The following ACD variants were observed in gnomAD, a reference collection of about 807,000 sequenced individuals.
ACD encodes the protein adrenocortical dysplasia protein homolog.
Under a neutral mutation model 53.9 loss-of-function variants are expected in ACD, and 39 were observed. That is an observed-to-expected ratio of 0.72 (90% CI 0.56 to 0.95). The LOEUF is 0.95. ACD is among the 40% of genes least tolerant of loss of function. The pLI is 0.00. For missense variants in ACD, 526 were observed against 587.9 expected (o/e 0.89, Z 1.09); for synonymous variants, 273 against 249.2 (o/e 1.10, Z -0.90).
chr16:67,660,252 C>A lies in ACD; in HGVS notation c.-32G>T. ...GGCTACACCCAGCGGATGCAACGGG[C>A]CCGGGTTTCCCGCGGGCGCCCAGGC... On this transcript the variant is annotated 5_prime_UTR_variant, in exon 1 of 12. Coordinates refer to ENST00000620761, the MANE Select transcript of ACD (RefSeq NM_001082486.2). 6.2e-7 allele frequency: 1 copy of A among 1,612,408 alleles called. No homozygotes were observed. Among genetic ancestry groups the A allele is most frequent in the Non-Finnish European group, 8.5e-7 (1 of 1,179,854 alleles).
chr16:67,659,670 G>A, intron 3 of ACD, 32 bp downstream of exon 3: 9 of 1,612,850 alleles, frequency 5.6e-6, no homozygotes, highest in Non-Finnish European at 7.6e-6. Flanking sequence ...AGTCATGCCC[G>A]GTAACCCGCC....
chr16:67,658,619 G>A lies in ACD; in HGVS notation c.765C>T (p.Asp255=), dbSNP rs1354345002. The stretch of plus-strand genomic sequence containing the variant: ...TCAGAGATAGGTCCTGCAGAGCCGG[G>A]TCTGGTGGGGGCAGCTCAGGGCCTG... ...RTQGPELPPP[D]PALQDLSLTL... Residue 255 remains aspartate, a synonymous_variant, in exon 9 of 12, where the codon GAC becomes GAT. Transcript: ENST00000620761. 5 of 1,577,158 alleles carry A rather than the reference G, an allele frequency of 3.2e-6. No homozygotes were observed. Among genetic ancestry groups the A allele is most frequent in the Non-Finnish European group, 2.6e-6 (3 of 1,160,468 alleles).
In ACD at chr16:67,659,655, C is replaced by G. The variant is rs1247633723; in HGVS notation, c.337-42G>C. The stretch of plus-strand genomic sequence containing the variant: ...GGAAGGGGGGGTCTCAGAATCGTCA[C>G]GAAGAGTCATGCCCGGTAACCCGCC... On this transcript the variant is annotated intron_variant, in intron 3 of 11. Transcript: ENST00000620761. The G allele has an allele frequency of 3.7e-6, 6 of 1,612,944 alleles. No homozygotes were observed. The Middle Eastern group carries it at 4.9e-4, about 133-fold the overall frequency.
chr16:67,658,966 G>A lies in ACD; in HGVS notation c.607C>T (p.Pro203Ser), dbSNP rs758700674. The A allele has an allele frequency of 1.5e-5, 25 of 1,613,772 alleles. No homozygotes were observed. The South Asian group carries it at 2.4e-4, about 16-fold the overall frequency. Residue 203 changes from proline to serine, a missense_variant, in exon 7 of 12, where the codon CCT becomes TCT. Pro to Ser is a moderately conservative substitution (Grantham distance 74). Coordinates refer to ENST00000620761, the MANE Select transcript of ACD (RefSeq NM_001082486.2). ...LTLEGPCTAP[P>S]VTHWAASRCK... is the part of the protein sequence containing the mutation. Reference sequence around the variant, plus strand: ...CGTGAGGCAGCCCAGTGGGTGACAGGGGGTGCTGTGCAAGGGCCCTCCAGT... The same window carrying A: ...CGTGAGGCAGCCCAGTGGGTGACAGAGGGTGCTGTGCAAGGGCCCTCCAGT...
Position 67,659,784 on chromosome 16 carries a change from T to C in ACD, c.254A>G (p.Glu85Gly). 6.2e-7 allele frequency: 1 copy of C among 1,606,732 alleles called. No homozygotes were observed. The highest frequency in any genetic ancestry group is 8.5e-7 in the Non-Finnish European group (1 of 1,174,768). ...GCCCTCTGTCCCGCGGAAGCCGAACTCCTTCTCCTCCCTGCAACAAGCAGG... is the reference window on the plus strand; with the variant it reads ...GCCCTCTGTCCCGCGGAAGCCGAACCCCTTCTCCTCCCTGCAACAAGCAGG... ...ALDTSDWEEK[E>G]FGFRGTEGRL... is the part of the protein sequence containing the mutation. Residue 85 changes from glutamate (E) to glycine (G), a missense_variant, in exon 3 of 12, where the codon GAG (glutamate) becomes GGG (glycine). Glu to Gly is a moderately conservative substitution (Grantham distance 98). Coordinates refer to ENST00000620761, the MANE Select transcript of ACD (RefSeq NM_001082486.2).
In ACD at chr16:67,659,435, G is replaced by A; in HGVS notation, c.414-16C>T. ...GTCTTGGTTGCTAAGAAAAAGAGAAGGGTAGTTAATGGGGGCCCAAGCCCT... is the reference window on the plus strand; with the variant it reads ...GTCTTGGTTGCTAAGAAAAAGAGAAAGGTAGTTAATGGGGGCCCAAGCCCT... On this transcript the variant is annotated splice_polypyrimidine_tract_variant and intron_variant, in intron 4 of 11. Transcript: ENST00000620761. The A allele has an allele frequency of 6.2e-7, 1 of 1,614,040 alleles. No homozygotes were observed. The highest frequency in any genetic ancestry group is 8.5e-7 in the Non-Finnish European group (1 of 1,179,994).
chr16:67,658,579 G>A lies in ACD; in HGVS notation c.805C>T (p.Pro269Ser), dbSNP rs1424707569. Residue 269 changes from proline to serine, a missense_variant, in exon 9 of 12, where the codon CCT (proline) becomes TCT (serine). Physicochemically the swap from Pro to Ser is moderately conservative, Grantham distance 74. Coordinates refer to ENST00000620761, the MANE Select transcript of ACD (RefSeq NM_001082486.2). ...QDLSLTLIAS[P>S]PSSPSSSGTP... ...CCTGAGGAACTGGGTGAGGAAGGAG[G>A]AGAGGCTATGAGGGTCAGAGATAGG... The A allele has an allele frequency of 2.5e-6, 4 of 1,570,682 alleles. No individual in the cohort carries two copies. The highest frequency in any genetic ancestry group is 2.4e-5 in the South Asian group (2 of 83,540).
In ACD at chr16:67,658,917, C is replaced by G. The variant is rs762889142; in HGVS notation, c.645+11G>C. 6.2e-7 allele frequency: 1 copy of G among 1,612,934 alleles called. No homozygotes were observed. Among genetic ancestry groups the G allele is most frequent in the South Asian group, 1.1e-5 (1 of 91,030 alleles). On this transcript the variant is annotated intron_variant, in intron 7 of 11. Coordinates refer to ENST00000620761, the MANE Select transcript of ACD (RefSeq NM_001082486.2). ...CACCCTGACATCTCCCAAGCAAATC[C>G]CCAGACTGACCGTGGCCTTGCATCG... is the stretch of plus-strand genomic sequence containing the variant.
Position 67,659,810 on chromosome 16 carries a change from A to AT in ACD, c.243-16dup. The AT allele has an allele frequency of 6.3e-7, 1 of 1,599,092 alleles. No individual in the cohort carries two copies. Among genetic ancestry groups the AT allele is most frequent in the Non-Finnish European group, 8.5e-7 (1 of 1,170,056 alleles). ...CCTTCTCCTCCCTGCAACAAGCAGGATCCTCACTGCCGGGCCCACCTGAAC... is the reference window on the plus strand; with the variant it reads ...CCTTCTCCTCCCTGCAACAAGCAGGATTCCTCACTGCCGGGCCCACCTGAAC... On this transcript the variant is annotated splice_polypyrimidine_tract_variant and intron_variant, in intron 2 of 11. Transcript: ENST00000620761.
At position 67,659,412 on chromosome 16, in the gene ACD, C is replaced by G; in HGVS notation, c.421G>C (p.Asp141His). ...PRLRVPGCNQ[D>H]LDVQKKLYDC... ...TAGAGCTTTTTCTGAACATCTAAGTCTTGGTTGCTAAGAAAAAGAGAAGGG... is the reference window on the plus strand; with the variant it reads ...TAGAGCTTTTTCTGAACATCTAAGTGTTGGTTGCTAAGAAAAAGAGAAGGG... Residue 141 changes from aspartate to histidine, a missense_variant, in exon 5 of 12, where the codon GAC (aspartate) becomes CAC (histidine). Coordinates refer to ENST00000620761, the MANE Select transcript of ACD (RefSeq NM_001082486.2). 1 of 1,614,052 alleles carries G rather than the reference C, an allele frequency of 6.2e-7. No homozygotes were observed. Among genetic ancestry groups the G allele is most frequent in the Non-Finnish European group, 8.5e-7 (1 of 1,180,022 alleles).
chr16:67,658,044 C>T lies in ACD; in HGVS notation c.1148G>A (p.Arg383Gln), dbSNP rs200293827. 227 of 1,547,218 alleles carry T rather than the reference C, an allele frequency of 1.5e-4. 1 individual carries two copies. Among genetic ancestry groups the T allele is most frequent in the Admixed American group, 1.8e-4 (9 of 50,042 alleles). The change falls in exon 10 of 12, where the codon CGG becomes CAG. Residue 383 changes from arginine to glutamine, a missense_variant. Arg to Gln is a conservative substitution (Grantham distance 43). Transcript: ENST00000620761. ...AGCTCCGGTCCTGGGAAAAGGCGGC[C>T]GATTCTTGCAGGGCAACCCTACAAA... Reference protein sequence around the residue: ...KEFVGLPCKNRPPFPRTGATR... With the variant: ...KEFVGLPCKNQPPFPRTGATR...
chr16:67,659,494 G>T (rs1365257334), intron 4 of ACD, 43 bp downstream of exon 4: 1 of 1,613,656 alleles, frequency 6.2e-7, no homozygotes, highest in Non-Finnish European at 8.5e-7. Context: ...CGCCGGCCAG[G>T]CTGGGGTGGG....
At position 67,657,740 on chromosome 16, in the gene ACD, TG is replaced by T; in HGVS notation, c.1298+21del. The T allele has an allele frequency of 6.2e-7, 1 of 1,613,970 alleles. No individual in the cohort carries two copies. Among genetic ancestry groups the T allele is most frequent in the Non-Finnish European group, 8.5e-7 (1 of 1,179,974 alleles). ...GAGCCTGGGACTAGTGACCAAGAGT[TG>T]GGGCAGACCCAGGCACTCACCTGAC... On this transcript the variant is annotated intron_variant, in intron 11 of 11. Transcript: ENST00000620761. This position sits in a 1 kb window ranked among gnomAD's most constrained non-coding sequence, Gnocchi z 4.5.
In ACD at chr16:67,660,243, T is replaced by A. The variant is rs746445437; in HGVS notation, c.-23A>T. On this transcript the variant is annotated 5_prime_UTR_variant, in exon 1 of 12. Coordinates refer to ENST00000620761, the MANE Select transcript of ACD (RefSeq NM_001082486.2). ...CATCCCCACGGCTACACCCAGCGGA[T>A]GCAACGGGCCCGGGTTTCCCGCGGG... is the stretch of plus-strand genomic sequence containing the variant. The A allele has an allele frequency of 1.9e-6, 3 of 1,612,546 alleles. No homozygotes were observed. The highest frequency in any genetic ancestry group is 3.3e-5 in the Admixed American group (2 of 60,024).
Position 67,658,606 on chromosome 16 carries a change from C to A in ACD, c.778G>T (p.Asp260Tyr). ...ELPPPDPALQ[D>Y]LSLTLIASPP... ...GAGGCTATGAGGGTCAGAGATAGGT[C>A]CTGCAGAGCCGGGTCTGGTGGGGGC... Residue 260 changes from aspartate to tyrosine, a missense_variant, in exon 9 of 12, where the codon GAC becomes TAC. Physicochemically the swap from Asp to Tyr is radical, Grantham distance 160 (BLOSUM62 -3). Coordinates refer to ENST00000620761, the MANE Select transcript of ACD (RefSeq NM_001082486.2). 1 of 1,575,648 alleles carries A rather than the reference C, an allele frequency of 6.3e-7. No homozygotes were observed. Among genetic ancestry groups the A allele is most frequent in the Non-Finnish European group, 8.6e-7 (1 of 1,159,586 alleles).
rs774086438 is a variant in ACD, at chr16:67,657,868, G to A, written c.1207-15C>T. 1 of 1,613,924 alleles carries A rather than the reference G, an allele frequency of 6.2e-7. No homozygotes were observed. Among genetic ancestry groups the A allele is most frequent in the Non-Finnish European group, 8.5e-7 (1 of 1,179,992 alleles). ...TTTGGGGGTTCCTGAAAGGGGTATG[G>A]TGTCTGGGGAAGAGCTAACAAGGAC... On this transcript the variant is annotated splice_polypyrimidine_tract_variant and intron_variant, in intron 10 of 11. Coordinates refer to ENST00000620761, the MANE Select transcript of ACD (RefSeq NM_001082486.2). The surrounding 1 kb of genome is among the most constrained non-coding windows in gnomAD (Gnocchi z 4.5).
chr16:67,659,246 G>A lies in ACD; in HGVS notation c.476C>T (p.Ser159Phe). ...YDCLEEHLSE[S>F]TSSNAGLSLS... ...TACAGTACCTGCATTGGACGAGGTGGACTCTGAAAGGTGCTCCCTACAGGA... is the reference window on the plus strand; with the variant it reads ...TACAGTACCTGCATTGGACGAGGTGAACTCTGAAAGGTGCTCCCTACAGGA... The change falls in exon 6 of 12, where the codon TCC becomes TTC. Residue 159 changes from serine (S) to phenylalanine (F), a missense_variant. Physicochemically the swap from Ser to Phe is radical, Grantham distance 155. Coordinates refer to ENST00000620761, the MANE Select transcript of ACD (RefSeq NM_001082486.2). 1 of 1,614,128 alleles carries A rather than the reference G, an allele frequency of 6.2e-7. No individual in the cohort carries two copies. Among genetic ancestry groups the A allele is most frequent in the Non-Finnish European group, 8.5e-7 (1 of 1,180,012 alleles).
In ACD at chr16:67,659,856, G is replaced by A. The variant is rs763681510; in HGVS notation, c.242+47C>T. On this transcript the variant is annotated intron_variant, in intron 2 of 11. Coordinates refer to ENST00000620761, the MANE Select transcript of ACD (RefSeq NM_001082486.2). ...TGAACACAAGGCCCGCCCACCTCGCGCTCTCCTGCCGGACTCCGACCTCCA... is the reference window on the plus strand; with the variant it reads ...TGAACACAAGGCCCGCCCACCTCGCACTCTCCTGCCGGACTCCGACCTCCA... The A allele has an allele frequency of 7.6e-6, 12 of 1,580,066 alleles. No homozygotes were observed. In the African/African-American group the frequency reaches 8.1e-5, roughly 11 times the overall value.
In ACD at chr16:67,658,955, G is replaced by A; in HGVS notation, c.618C>T (p.His206=). Residue 206 remains histidine (H), a synonymous_variant, in exon 7 of 12, where the codon CAC becomes CAT. Transcript: ENST00000620761. ...TGGCCTTGCATCGTGAGGCAGCCCAGTGGGTGACAGGGGGTGCTGTGCAAG... is the reference window on the plus strand; with the variant it reads ...TGGCCTTGCATCGTGAGGCAGCCCAATGGGTGACAGGGGGTGCTGTGCAAG... ...EGPCTAPPVT[H]WAASRCKATG... is the part of the protein sequence containing the mutation. 6.2e-7 allele frequency: 1 copy of A among 1,613,914 alleles called. No homozygotes were observed. Among genetic ancestry groups the A allele is most frequent in the Admixed American group, 1.7e-5 (1 of 60,020 alleles).
Sources: gnomAD v4.1 joint callset for allele counts on GRCh38, gnomAD v4.1.1 for gene constraint, Gnocchi (gnomAD v3.1) non-coding constraint, MANE v1.5 for transcripts, NCBI Gene and HGNC (gene_info 2026-07-23, HGNC 2026-07-21) for gene names.